The following FERMT3 variants were observed in gnomAD, a reference collection of about 807,000 sequenced individuals.
FERMT3 encodes FERM domain containing kindlin 3, also known as fermitin family homolog 3.
In FERMT3, 33 loss-of-function variants were observed where a neutral mutation model predicts 80.8. The observed-to-expected ratio is 0.41, with a 90% confidence interval of 0.31 to 0.55. FERMT3 has a LOEUF of 0.55. Among genes scored for constraint, FERMT3 ranks in the 20% least tolerant of loss-of-function variants. The probability of loss-of-function intolerance (pLI) is 0.31; values close to 1 mark genes in which losing one functional copy is unlikely to be tolerated. For synonymous variants in FERMT3, 375 were observed against 372.2 expected (o/e 1.01, Z -0.09); for missense variants, 754 against 908.7 (o/e 0.83, Z 2.19).
chr11:64,208,164 A>G (rs1946356999), intron 2 of FERMT3, among the ~76,000 whole-genome samples: 1 of 148,058 alleles, frequency 6.8e-6, no homozygotes, highest in Admixed American at 6.7e-5. Context: ...GGGGTGGGTG[A>G]TGGTGGGGAG....
Position 64,219,495 on chromosome 11 carries a change from C to T in FERMT3, c.895-29C>T. The T allele has an allele frequency of 3.8e-6, 6 of 1,581,688 alleles. No individual in the cohort carries two copies. The highest frequency in any genetic ancestry group is 5.2e-6 in the Non-Finnish European group (6 of 1,165,042). ...TGCTAGGGGACCAGGCTGCTGGACT[C>T]AGCCCTCCCTGGCTTCATGACCACC... On this transcript the variant is annotated intron_variant, in intron 7 of 14. Transcript: ENST00000345728. The surrounding 1 kb of genome is among the most constrained non-coding windows in gnomAD (Gnocchi z 4.0).
rs1591040788 is a variant in FERMT3 at position 64,220,878 on chromosome 11, T to C, written c.1546-138T>C. ...ACCTTGCAGCCTGGCGCAGTGCAGA[T>C]CTGCACCTTGGCGGCCCCACGTGGG... On this transcript the variant is annotated intron_variant, in intron 12 of 14. Transcript: ENST00000345728. The C allele has an allele frequency of 8.0e-6, 12 of 1,495,974 alleles. 1 individual carries two copies. In the South Asian group the frequency reaches 1.5e-4, roughly 18 times the overall value. 92.7% of individuals were successfully genotyped at this position (1,495,974 alleles called of 1,614,324 possible).
intron 6 of FERMT3, among the ~76,000 whole-genome samples, chr11:64,216,197 ATTT>A (rs756581025): frequency 7.8e-6 from 1 of 128,428 alleles, no homozygotes; most frequent in African/African-American, 2.9e-5. Flanking sequence ...CTCTGTAAGG[ATTT>A]TTTTTTTTTT....
At position 64,219,952 on chromosome 11, in the gene FERMT3, C is replaced by A. The variant is rs771832904; in HGVS notation, c.1141C>A (p.Leu381Met). The A allele has an allele frequency of 6.2e-7, 1 of 1,613,924 alleles. No homozygotes were observed. Among genetic ancestry groups the A allele is most frequent in the Non-Finnish European group, 8.5e-7 (1 of 1,180,012 alleles). Residue 381 changes from leucine (L) to methionine (M), a missense_variant, in exon 10 of 15, where the codon CTG (leucine) becomes ATG (methionine). Physicochemically the swap from Leu to Met is conservative, Grantham distance 15. Coordinates refer to ENST00000345728, the MANE Select transcript of FERMT3 (RefSeq NM_031471.6). The surrounding 1 kb of genome is among the most constrained non-coding windows in gnomAD (Gnocchi z 4.0). ...CTGGGTGGTGTTCAAGGAGACCACA[C>A]TGTCCTACTACAAGAGCCAGGACGA... The part of the protein sequence containing the change: ...QHWVVFKETT[L>M]SYYKSQDEAP...
In FERMT3 at chr11:64,220,686, G is replaced by C. The variant is rs747377468; in HGVS notation, c.1545+17G>C. 6.3e-7 allele frequency: 1 copy of C among 1,597,308 alleles called. No individual in the cohort carries two copies. The highest frequency in any genetic ancestry group is 1.7e-5 in the Admixed American group (1 of 58,418). On this transcript the variant is annotated intron_variant, in intron 12 of 14. Coordinates refer to ENST00000345728, the MANE Select transcript of FERMT3 (RefSeq NM_031471.6). Reference sequence around the variant, plus strand: ...GCCAAGCAGGTACCAGAAGGCGTCAGGGTGGGAATGAGCATAGTGTTTACC... The same window carrying C: ...GCCAAGCAGGTACCAGAAGGCGTCACGGTGGGAATGAGCATAGTGTTTACC...
At chr11:64,217,169 G>A (rs1946569853) in intron 6 of FERMT3, among the ~76,000 whole-genome samples, 1 of 152,166 alleles carries the variant, frequency 6.6e-6, no homozygotes, top group Non-Finnish European at 1.5e-5. Context: ...TCTTTCAACT[G>A]GAGATAGAAG....
intron 2 of FERMT3, among the ~76,000 whole-genome samples, chr11:64,208,131 G>A (rs1946355654): frequency 6.6e-6 from 1 of 151,628 alleles, no homozygotes; most frequent in African/African-American, 2.4e-5. Flanking sequence ...CCAAGAGCCT[G>A]GGCCTGGGCT....
chr11:64,211,581 C>T lies in FERMT3; in HGVS notation c.684-64C>T. ...GTGTGTGCTTGTCCCCCCAGCCCAGCCCCCCTCCCCACCCCACGGCCGTAC... is the reference window on the plus strand; with the variant it reads ...GTGTGTGCTTGTCCCCCCAGCCCAGTCCCCCTCCCCACCCCACGGCCGTAC... On this transcript the variant is annotated intron_variant, in intron 5 of 14. Coordinates refer to ENST00000345728, the MANE Select transcript of FERMT3 (RefSeq NM_031471.6). This position sits in a 1 kb window ranked among gnomAD's most constrained non-coding sequence, Gnocchi z 4.7. 3.2e-6 allele frequency: 5 copies of T among 1,554,924 alleles called. No homozygotes were observed. The highest frequency in any genetic ancestry group is 2.3e-5 in the South Asian group (2 of 87,064).
chr11:64,218,152 C>T (rs1467024656), intron 6 of FERMT3, among the ~76,000 whole-genome samples: 2 of 151,800 alleles, frequency 1.3e-5, no homozygotes, highest in Admixed American at 6.6e-5. Flanking sequence ...TACAGGCGCC[C>T]GCCACCACGC....
intron 6 of FERMT3, among the ~76,000 whole-genome samples, chr11:64,214,289 TC>T (rs1260292257): frequency 6.7e-6 from 1 of 149,032 alleles, no homozygotes; most frequent in Non-Finnish European, 1.5e-5. Flanking sequence ...TGCTTCAGCC[TC>T]CCAAGTAGCT....
intron 14 of FERMT3, 31 bp from the exon 15 acceptor site, chr11:64,223,282 C>T: frequency 6.2e-7 from 1 of 1,613,412 alleles, no homozygotes; most frequent in Non-Finnish European, 8.5e-7. Flanking sequence ...CCTTATCCCA[C>T]CCACCATTTG....
Position 64,223,398 on chromosome 11 carries a change from G to A in FERMT3, c.1898G>A (p.Gly633Asp). Reference sequence around the variant, plus strand: ...CGAATTGTACACGAGTATATCGGGGGCTACATTTTCCTGTCGACGCGGGAG... The same window carrying A: ...CGAATTGTACACGAGTATATCGGGGACTACATTTTCCTGTCGACGCGGGAG... ...SCRIVHEYIG[G>D]YIFLSTRERA... Residue 633 changes from glycine (G) to aspartate (D), a missense_variant, in exon 15 of 15, where the codon GGC (glycine) becomes GAC (aspartate). Gly to Asp is a moderately conservative substitution (Grantham distance 94). Transcript: ENST00000345728. The A allele has an allele frequency of 6.2e-7, 1 of 1,613,966 alleles. No individual in the cohort carries two copies. The highest frequency in any genetic ancestry group is 8.5e-7 in the Non-Finnish European group (1 of 1,180,052).
intron 13 of FERMT3, among the ~76,000 whole-genome samples, chr11:64,221,659 T>C (rs559581929): frequency 6.0e-5 from 9 of 150,982 alleles, no homozygotes; most frequent in African/African-American, 2.2e-4. Context: ...CCAAGCATGG[T>C]GGCTCACACC....
rs781383815 is a variant in FERMT3 at position 64,210,568 on chromosome 11, C to G, written c.161-43C>G. 1.3e-6 allele frequency: 2 copies of G among 1,582,206 alleles called. No homozygotes were observed. The highest frequency in any genetic ancestry group is 1.7e-6 in the Non-Finnish European group (2 of 1,151,692). ...GGGTTGTGCTGGGTGTTGGGGGCAC[C>G]AGGGAGGAAGGTTGGACCCAGATGT... On this transcript the variant is annotated intron_variant, in intron 2 of 14. Coordinates refer to ENST00000345728, the MANE Select transcript of FERMT3 (RefSeq NM_031471.6). This position sits in a 1 kb window ranked among gnomAD's most constrained non-coding sequence, Gnocchi z 4.3.
intron 6 of FERMT3, among the ~76,000 whole-genome samples, chr11:64,217,191 A>G (rs1020924756): frequency 6.6e-5 from 10 of 152,162 alleles, no homozygotes; most frequent in Non-Finnish European, 1.3e-4. Flanking sequence ...CTTCCTGCCA[A>G]TGTCTTGGGT....
Position 64,210,788 on chromosome 11 carries a change from G to A in FERMT3, c.338G>A (p.Arg113His), listed in dbSNP as rs748937343. Residue 113 changes from arginine to histidine, a missense_variant, in exon 3 of 15, where the codon CGT becomes CAT. Transcript: ENST00000345728. This position sits in a 1 kb window ranked among gnomAD's most constrained non-coding sequence, Gnocchi z 4.3. ...CCCAACCGCCGCGCACTGCGCCTCC[G>A]TGCCAGCTTCTCCCAGCCCCTCTTC... ...RLPNRRALRL[R>H]ASFSQPLFQA... 2.0e-5 allele frequency: 33 copies of A among 1,613,804 alleles called. No homozygotes were observed. The East Asian group carries it at 3.8e-4, about 19-fold the overall frequency.
rs1669054389 is a variant in FERMT3 at position 64,220,664 on chromosome 11, A to T, written c.1540A>T (p.Lys514Ter). The part of the protein sequence containing the change: ...APRFQRKFKA[K>*]QLTPRILEAH... ...CCGTTTCCAGCGAAAGTTCAAGGCC[A>T]AGCAGGTACCAGAAGGCGTCAGGGT... is the stretch of plus-strand genomic sequence containing the variant. The change falls in exon 12 of 15, where the codon AAG (lysine) becomes TAG (stop). Residue 514 changes from lysine (K) to a stop codon, truncating the protein, a stop_gained. Coordinates refer to ENST00000345728, the MANE Select transcript of FERMT3 (RefSeq NM_031471.6). LOFTEE classifies it high-confidence loss of function. The T allele has an allele frequency of 6.2e-7, 1 of 1,610,368 alleles. No individual in the cohort carries two copies. Among genetic ancestry groups the T allele is most frequent in the Non-Finnish European group, 8.5e-7 (1 of 1,178,792 alleles).
In FERMT3 at chr11:64,219,111, C is replaced by T. The variant is rs1329600377; in HGVS notation, c.787-140C>T. ...AAGGATGGGGTTGAGGTCTGTGGCCCATGTCTGGCCACTGAATGAATCTGC... is the reference window on the plus strand; with the variant it reads ...AAGGATGGGGTTGAGGTCTGTGGCCTATGTCTGGCCACTGAATGAATCTGC... On this transcript the variant is annotated intron_variant, in intron 6 of 14. Coordinates refer to ENST00000345728, the MANE Select transcript of FERMT3 (RefSeq NM_031471.6). This position sits in a 1 kb window ranked among gnomAD's most constrained non-coding sequence, Gnocchi z 4.0. The T allele has an allele frequency of 2.6e-6, 2 of 765,042 alleles. No homozygotes were observed. Among genetic ancestry groups the T allele is most frequent in the Non-Finnish European group, 4.4e-6 (2 of 457,516 alleles). The allele number at this position is 765,042 out of a possible 1,614,324, so 47.4% of individuals were successfully genotyped here.
At position 64,207,451 on chromosome 11, in the gene FERMT3, C is replaced by T. The variant is rs147311995; in HGVS notation, c.87C>T (p.Ala29=). 1.1e-5 allele frequency: 17 copies of T among 1,613,968 alleles called. No homozygotes were observed. The highest frequency in any genetic ancestry group is 1.3e-5 in the African/African-American group (1 of 74,892). The change falls in exon 2 of 15, where the codon GCC becomes GCT. Residue 29 remains alanine (A), a synonymous_variant. Coordinates refer to ENST00000345728, the MANE Select transcript of FERMT3 (RefSeq NM_031471.6). ...RVFVGEEDPE[A]ESVTLRVTGE... is the part of the protein sequence containing the mutation. ...TTGTGGGAGAGGAGGACCCAGAGGCCGAGTCGGTCACCCTGCGGGTCACTG... is the reference window on the plus strand; with the variant it reads ...TTGTGGGAGAGGAGGACCCAGAGGCTGAGTCGGTCACCCTGCGGGTCACTG...
Sources: allele counts gnomAD v4.1 joint callset (sites outside exome capture counted in the v4.1 genomes callset), GRCh38; gene constraint gnomAD v4.1.1; non-coding constraint Gnocchi (gnomAD v3.1); transcripts MANE v1.5; gene names NCBI Gene and HGNC (gene_info 2026-07-23, HGNC 2026-07-21).